Variants in EXT1 observed in about 807,000 individuals in gnomAD.
The protein encoded by EXT1 is exostosin-1.
EXT1 carries 20 observed loss-of-function variants against 82.5 expected under a neutral mutation model. The ratio of observed to expected loss-of-function variants is 0.24; its 90% CI spans 0.17 to 0.35. The LOEUF (loss-of-function observed/expected upper bound fraction) is 0.35. Ranked by LOEUF, EXT1 falls within the 10% of genes least tolerant of loss-of-function variation. The probability of loss-of-function intolerance (pLI) is 1.00; values close to 1 mark genes in which losing one functional copy is unlikely to be tolerated. For missense variants in EXT1, 757 were observed against 936.5 expected (o/e 0.81, Z 2.50); for synonymous variants, 348 against 350.8 (o/e 0.99, Z 0.09).
intron 1 of EXT1, among the ~76,000 whole-genome samples, chr8:117,995,847 T>G (rs1216355517): frequency 6.6e-6 from 1 of 152,198 alleles, no homozygotes; most frequent in Non-Finnish European, 1.5e-5. Flanking sequence ...TGAGCTTCAT[T>G]ATCATCAACT....
intron 1 of EXT1, among the ~76,000 whole-genome samples, chr8:117,915,352 C>CATATATATATAT (rs58661474): frequency 1.0e-4 from 15 of 147,288 alleles, no homozygotes; most frequent in African/African-American, 3.5e-4. Context: ...TAGATATAAC[C>CATATATATATAT]ATATATATAT....
intron 4 of EXT1, among the ~76,000 whole-genome samples, chr8:117,829,094 C>T (rs1232451676): frequency 6.6e-6 from 1 of 152,088 alleles, no homozygotes; most frequent in Non-Finnish European, 1.5e-5. Flanking sequence ...GGCCACAATG[C>T]CCCCACCTCA....
chr8:117,877,534 G>A (rs1812992555), intron 1 of EXT1, among the ~76,000 whole-genome samples: 1 of 152,110 alleles, frequency 6.6e-6, no homozygotes, highest in Non-Finnish European at 1.5e-5. Context: ...GTTCCCACAA[G>A]GTCTATTTTT....
In EXT1 at chr8:118,041,013, T is replaced by C. The variant is rs1451385455; in HGVS notation, c.962+69072A>G. 7.9e-5 allele frequency among the ~76,000 whole-genome samples: 12 copies of C among 152,308 alleles called. No homozygotes were observed. In the East Asian group the frequency reaches 2.1e-3, roughly 27 times the overall value. On this transcript the variant is annotated intron_variant, in intron 1 of 10. Coordinates refer to ENST00000378204, the MANE Select transcript of EXT1 (RefSeq NM_000127.3). ...ATCAAGCTTTGCCAGTAGATGGAAT[T>C]AGGAGAGGTTAATACACACATTGTT...
At chr8:117,834,868 C>T (rs994289738) in intron 3 of EXT1, among the ~76,000 whole-genome samples, 33 of 151,688 alleles carry the variant, frequency 2.2e-4, no homozygotes, top group African/African-American at 7.3e-4. Flanking sequence ...AAAAATAATA[C>T]ATGATCATTC....
intron 1 of EXT1, among the ~76,000 whole-genome samples, chr8:117,855,625 T>C (rs535112164): frequency 3.9e-5 from 6 of 152,290 alleles, no homozygotes; most frequent in Non-Finnish European, 7.4e-5. Context: ...AACCCTACAA[T>C]GGCCTACAAG....
At chr8:117,878,470 T>G (rs933201819) in intron 1 of EXT1, among the ~76,000 whole-genome samples, 5 of 152,206 alleles carry the variant, frequency 3.3e-5, no homozygotes, top group Non-Finnish European at 7.3e-5. Context: ...TGCCAGGCAC[T>G]TGAGATACAC....
intron 1 of EXT1, among the ~76,000 whole-genome samples, chr8:118,021,632 A>C (rs1184306607): frequency 6.6e-6 from 1 of 152,202 alleles, no homozygotes; most frequent in Non-Finnish European, 1.5e-5. Context: ...CATATTCTGT[A>C]CAACAGAATC....
chr8:117,820,698 GA>G (rs200227708), intron 5 of EXT1, among the ~76,000 whole-genome samples: 76 of 131,148 alleles, frequency 5.8e-4, no homozygotes, highest in South Asian at 1.7e-3. Flanking sequence ...CTCCGTCTTA[GA>G]AAAAAAAAAA....
chr8:118,027,111 C>G (rs1160130935), intron 1 of EXT1, among the ~76,000 whole-genome samples: 1 of 152,140 alleles, frequency 6.6e-6, no homozygotes, highest in Non-Finnish European at 1.5e-5. Context: ...GAAAATGGGT[C>G]ATAAACTGAC....
Position 117,963,644 on chromosome 8 carries a change from C to T in EXT1, c.963-126443G>A, listed in dbSNP as rs555607080. Reference sequence around the variant, plus strand: ...TAGCTGGGATTACAGGAAGACACCACACGCCTGGCTAATTTTTGTATTTTT... The same window carrying T: ...TAGCTGGGATTACAGGAAGACACCATACGCCTGGCTAATTTTTGTATTTTT... On this transcript the variant is annotated intron_variant, in intron 1 of 10. Transcript: ENST00000378204. 3.2e-4 allele frequency among the ~76,000 whole-genome samples: 49 copies of T among 152,220 alleles called. No homozygotes were observed. In the South Asian group the frequency reaches 9.9e-3, roughly 31 times the overall value.
chr8:118,053,125 T>C (rs1335922875), intron 1 of EXT1, among the ~76,000 whole-genome samples: 1 of 152,222 alleles, frequency 6.6e-6, no homozygotes, highest in African/African-American at 2.4e-5. Flanking sequence ...AAGCAGCTTC[T>C]AAAATAATCT....
At chr8:117,839,847 C>T (rs747930854) in intron 1 of EXT1, among the ~76,000 whole-genome samples, 2 of 152,182 alleles carry the variant, frequency 1.3e-5, no homozygotes, top group African/African-American at 2.4e-5. Flanking sequence ...GACACTGTCC[C>T]ATTTCAACAG....
At chr8:117,914,919 C>A (rs1378853899) in intron 1 of EXT1, among the ~76,000 whole-genome samples, 13 of 152,154 alleles carry the variant, frequency 8.5e-5, no homozygotes, top group Non-Finnish European at 1.9e-4. Context: ...AGCATGTGAT[C>A]TTTATTAGAT....
intron 1 of EXT1, among the ~76,000 whole-genome samples, chr8:117,929,053 A>C (rs144588773): frequency 3.9e-5 from 6 of 152,164 alleles, no homozygotes; most frequent in African/African-American, 1.4e-4. Context: ...AGTTTCTTCA[A>C]TTGGGGTGAT....
chr8:117,976,135 G>A (rs1484769078), intron 1 of EXT1, among the ~76,000 whole-genome samples: 2 of 152,112 alleles, frequency 1.3e-5, no homozygotes, highest in Non-Finnish European at 2.9e-5. Flanking sequence ...GCCCATATTA[G>A]AGCTATTTCT....
At chr8:118,079,708 A>G (rs17431770) in intron 1 of EXT1, among the ~76,000 whole-genome samples, 1 of 148,258 alleles carries the variant, frequency 6.7e-6, no homozygotes, top group Non-Finnish European at 1.5e-5. Flanking sequence ...TGGAAGGCCA[A>G]AGACCCTAGT....
intron 8 of EXT1, among the ~76,000 whole-genome samples, chr8:117,811,622 T>TA (rs1238461873): frequency 6.6e-6 from 1 of 151,794 alleles, no homozygotes; most frequent in African/African-American, 2.4e-5. Flanking sequence ...TATGGAATTT[T>TA]TTTTTTTTTT....
chr8:117,932,878 G>A (rs1814087086), intron 1 of EXT1, among the ~76,000 whole-genome samples: 1 of 139,656 alleles, frequency 7.2e-6, no homozygotes, highest in Non-Finnish European at 1.5e-5. Flanking sequence ...AGAGCTGGCT[G>A]CCAGGGCAGC....
Sources: allele counts gnomAD v4.1 joint callset (sites outside exome capture counted in the v4.1 genomes callset), GRCh38; gene constraint gnomAD v4.1.1; transcripts MANE v1.5; gene names NCBI Gene and HGNC (gene_info 2026-07-23, HGNC 2026-07-21).